Variants in PEAK1 observed in about 807,000 individuals in gnomAD.
The protein encoded by PEAK1 is inactive tyrosine-protein kinase PEAK1.
In PEAK1, 54 loss-of-function variants were observed where a neutral mutation model predicts 124.7. That is an observed-to-expected ratio of 0.43 (90% confidence interval 0.35 to 0.54). The LOEUF is 0.54. PEAK1 is among the 20% of genes least tolerant of loss of function. The pLI, the probability that PEAK1 is intolerant of heterozygous loss-of-function variation, is 0.01. For synonymous variants in PEAK1, 719 were observed against 760.0 expected (o/e 0.95, Z 0.89); for missense variants, 2,046 against 2,134.5 (o/e 0.96, Z 0.82).
intron 2 of PEAK1, among the ~76,000 whole-genome samples, chr15:77,327,227 A>G (rs1417101137): frequency 6.6e-6 from 1 of 152,156 alleles, no homozygotes; most frequent in East Asian, 1.9e-4. Flanking sequence ...TAATTAGTAT[A>G]TTAATGTTTT....
At chr15:77,290,902 A>G (rs1248910024) in intron 2 of PEAK1, among the ~76,000 whole-genome samples, 1 of 152,208 alleles carries the variant, frequency 6.6e-6, no homozygotes, top group Non-Finnish European at 1.5e-5. Flanking sequence ...GCACAAATAA[A>G]TCAGCCACCC....
At chr15:77,349,679 A>G (rs2067090049) in intron 2 of PEAK1, 11 of 984,804 alleles carry the variant, frequency 1.1e-5, no homozygotes, top group Non-Finnish European at 1.3e-5. Context: ...AATCCTTTAC[A>G]TTGTCCTTTC....
At chr15:77,105,573 C>G (rs991593598), downstream of PEAK1, 2 of 152,210 alleles carry the variant, frequency 1.3e-5, no homozygotes, top group Non-Finnish European at 2.9e-5. Context: ...AACTTGTGAT[C>G]TGCCAACTGC....
chr15:77,390,469 T>C (rs529511403), intron 1 of PEAK1, among the ~76,000 whole-genome samples: 2 of 152,340 alleles, frequency 1.3e-5, no homozygotes, highest in East Asian at 3.9e-4. Flanking sequence ...TGATGTTATG[T>C]GCTATCATAT....
intron 6 of PEAK1, among the ~76,000 whole-genome samples, chr15:77,206,297 G>A (rs995542520): frequency 6.7e-6 from 1 of 148,566 alleles, no homozygotes; most frequent in African/African-American, 2.5e-5. Context: ...ACATGTGCAT[G>A]TGTCTTTATA....
At chr15:77,249,714 A>G (rs759690874) in intron 6 of PEAK1, among the ~76,000 whole-genome samples, 8 of 152,112 alleles carry the variant, frequency 5.3e-5, no homozygotes, top group Non-Finnish European at 8.8e-5. Context: ...TTTCTTGATA[A>G]TATTATAATC....
intron 9 of PEAK1, among the ~76,000 whole-genome samples, chr15:77,131,265 G>A (rs2052832634): frequency 6.6e-6 from 1 of 152,216 alleles, no homozygotes; most frequent in Non-Finnish European, 1.5e-5. Flanking sequence ...GGAGGCCAAG[G>A]TGGGCGGATC....
chr15:77,225,667 TA>T (rs1488242213), intron 6 of PEAK1, among the ~76,000 whole-genome samples: 208 of 9,680 alleles, frequency 0.021, 2 homozygotes, highest in African/African-American at 0.054. Context: ...GTGTATAATT[TA>T]TATATATATA....
intron 6 of PEAK1, among the ~76,000 whole-genome samples, chr15:77,243,884 C>T (rs2060462573): frequency 6.6e-6 from 1 of 152,072 alleles, no homozygotes; most frequent in Non-Finnish European, 1.5e-5. Flanking sequence ...AGGAGAATCT[C>T]TTGAACTTGA....
intron 5 of PEAK1, among the ~76,000 whole-genome samples, chr15:77,272,132 T>G (rs1441736159): frequency 6.6e-6 from 1 of 152,096 alleles, no homozygotes; most frequent in Non-Finnish European, 1.5e-5. Flanking sequence ...AACAGGAAAT[T>G]CATAGCATTA....
intron 1 of PEAK1, among the ~76,000 whole-genome samples, chr15:77,367,008 C>T (rs2068291485): frequency 6.6e-6 from 1 of 152,062 alleles, no homozygotes; most frequent in African/African-American, 2.4e-5. Context: ...GTGGTGTGCA[C>T]CTGTAATCCC....
At chr15:77,159,673 T>C (rs1158480624) in intron 7 of PEAK1, among the ~76,000 whole-genome samples, 4 of 152,212 alleles carry the variant, frequency 2.6e-5, no homozygotes, top group African/African-American at 9.6e-5. Context: ...GAAACATATA[T>C]GATTACAGGT....
intron 8 of PEAK1, among the ~76,000 whole-genome samples, chr15:77,149,858 C>A (rs1285564770): frequency 6.6e-6 from 1 of 151,968 alleles, no homozygotes; most frequent in Non-Finnish European, 1.5e-5. Context: ...CAAGGATAAT[C>A]TTAACTCAGC....
intron 8 of PEAK1, among the ~76,000 whole-genome samples, chr15:77,147,178 T>A (rs927697617): frequency 4.6e-5 from 7 of 152,206 alleles, no homozygotes; most frequent in African/African-American, 1.7e-4. Context: ...GCCAGCTGAT[T>A]AATGGAGCAC....
At chr15:77,307,854 T>G (rs2064193711) in intron 2 of PEAK1, among the ~76,000 whole-genome samples, 1 of 152,012 alleles carries the variant, frequency 6.6e-6, no homozygotes, top group South Asian at 2.1e-4. Flanking sequence ...GTATATAGGC[T>G]GGGGTATTTA....
rs1238856408 is a variant in PEAK1 at position 77,209,169 on chromosome 15, TTA to T, written c.-114-27131_-114-27130del. Among the ~76,000 whole-genome samples, 14 of 152,320 alleles carry T rather than the reference TTA, an allele frequency of 9.2e-5. No homozygotes were observed. In the East Asian group the frequency reaches 2.1e-3, roughly 23 times the overall value. ...AAAAGTCTAGTCTAAGATAACCCTT[TTA>T]TGTCTCTTTTTTAATATAAAAGAAA... On this transcript the variant is annotated intron_variant, in intron 6 of 9. Coordinates refer to ENST00000682557, the MANE Select transcript of PEAK1 (RefSeq NM_001385026.1).
chr15:77,176,473 AT>A (rs1366927060), intron 7 of PEAK1, among the ~76,000 whole-genome samples: 1 of 152,134 alleles, frequency 6.6e-6, no homozygotes, highest in Non-Finnish European at 1.5e-5. Context: ...AGTGCAAATT[AT>A]CAGGACCCAC....
chr15:77,260,634 T>C (rs939396674), intron 5 of PEAK1, among the ~76,000 whole-genome samples: 2 of 152,148 alleles, frequency 1.3e-5, no homozygotes, highest in African/African-American at 4.8e-5. Flanking sequence ...ACTAGACAGA[T>C]AAGCAGTAGT....
intron 9 of PEAK1, among the ~76,000 whole-genome samples, chr15:77,124,864 T>C (rs541402704): frequency 6.6e-6 from 1 of 152,352 alleles, no homozygotes; most frequent in Admixed American, 6.5e-5. Context: ...CCACAAAGAA[T>C]AGCAAAGTGG....
Sources: allele counts gnomAD v4.1 joint callset (sites outside exome capture counted in the v4.1 genomes callset), GRCh38; gene constraint gnomAD v4.1.1; transcripts MANE v1.5; gene names NCBI Gene and HGNC (gene_info 2026-07-23, HGNC 2026-07-21).